ARHGAP31: variants seen among roughly 807,000 people sequenced by gnomAD.
ARHGAP31 encodes the protein rho GTPase-activating protein 31.
ARHGAP31 carries 34 observed loss-of-function variants against 113.9 expected under a neutral mutation model. That is an observed-to-expected ratio of 0.30 (90% CI 0.23 to 0.40). The LOEUF (loss-of-function observed/expected upper bound fraction) is 0.40. Ranked by LOEUF, ARHGAP31 falls within the 10% of genes least tolerant of loss-of-function variation. The pLI is 1.00. For synonymous variants in ARHGAP31, 650 were observed against 684.8 expected, an observed-to-expected ratio of 0.95 and a Z score of 0.79; for missense variants, 1,548 against 1,767.1, an observed-to-expected ratio of 0.88 and a Z score of 2.22.
chr3:119,364,873 A>C (rs1444794176), intron 1 of ARHGAP31, among the ~76,000 whole-genome samples: 1 of 152,188 alleles, frequency 6.6e-6, no homozygotes, highest in South Asian at 2.1e-4. Flanking sequence ...CGGGTGGATC[A>C]CCTGAAGTCA....
intron 1 of ARHGAP31, among the ~76,000 whole-genome samples, chr3:119,328,807 AC>A (rs1281460741): frequency 6.6e-6 from 1 of 151,992 alleles, no homozygotes; most frequent in African/African-American, 2.4e-5. Context: ...TGCACAGCTA[AC>A]TTTTTGTATT....
chr3:119,367,856 CAAAAAAAAGAAAA>C (rs1363192018), intron 2 of ARHGAP31, among the ~76,000 whole-genome samples: 5 of 111,370 alleles, frequency 4.5e-5, no homozygotes, highest in Admixed American at 3.1e-4. Context: ...GACTCCATCT[CAAAAAAAAGAAAA>C]AAAAAAAAAA....
At chr3:119,383,047 A>G (rs1208558062) in intron 5 of ARHGAP31, 37 bp from the exon 6 acceptor site, 3 of 1,613,260 alleles carry the variant, frequency 1.9e-6, no homozygotes, top group African/African-American at 2.7e-5. Context: ...GTTGTAAGGC[A>G]AACTCACTAA....
intron 1 of ARHGAP31, among the ~76,000 whole-genome samples, chr3:119,353,093 A>G (rs1416559793): frequency 6.6e-6 from 1 of 152,220 alleles, no homozygotes; most frequent in African/African-American, 2.4e-5. Flanking sequence ...ATCTCACATC[A>G]TATCAAATCA....
At chr3:119,394,709 C>A (rs1039040220) in intron 8 of ARHGAP31, among the ~76,000 whole-genome samples, 2 of 152,012 alleles carry the variant, frequency 1.3e-5, no homozygotes, top group African/African-American at 2.4e-5. Flanking sequence ...AATCCCAACA[C>A]TTTGGGAAGC....
chr3:119,411,125 T>G (rs2080712643), intron 11 of ARHGAP31, among the ~76,000 whole-genome samples: 1 of 152,160 alleles, frequency 6.6e-6, no homozygotes, highest in African/African-American at 2.4e-5. Context: ...AAGGCTGGGA[T>G]AGCTGGGCTG....
intron 1 of ARHGAP31, among the ~76,000 whole-genome samples, chr3:119,361,647 G>C (rs1167952529): frequency 6.6e-6 from 1 of 152,220 alleles, no homozygotes; most frequent in African/African-American, 2.4e-5. Context: ...CTCCCAAAGT[G>C]CTGGGATTAC....
At chr3:119,351,457 A>G (rs2080109911) in intron 1 of ARHGAP31, among the ~76,000 whole-genome samples, 1 of 152,202 alleles carries the variant, frequency 6.6e-6, no homozygotes, top group South Asian at 2.1e-4. Context: ...CCAGTTTGCC[A>G]CTAGCTGTTT....
chr3:119,392,164 G>A (rs1000651846), intron 7 of ARHGAP31, among the ~76,000 whole-genome samples: 1 of 152,166 alleles, frequency 6.6e-6, no homozygotes, highest in Non-Finnish European at 1.5e-5. Flanking sequence ...AAAACATCCT[G>A]GGTCCAGGTA....
intron 10 of ARHGAP31, among the ~76,000 whole-genome samples, chr3:119,402,884 G>A (rs375457425): frequency 6.6e-5 from 10 of 152,230 alleles, no homozygotes; most frequent in Non-Finnish European, 1.5e-4. Context: ...CAGACAACAT[G>A]GCTAGCAACC....
chr3:119,400,500 ATCT>A (rs1275341498), intron 9 of ARHGAP31, among the ~76,000 whole-genome samples: 1 of 152,148 alleles, frequency 6.6e-6, no homozygotes, highest in African/African-American at 2.4e-5. Context: ...ACTCAGTGAG[ATCT>A]TCTTAAGTTA....
At chr3:119,388,483 T>G (rs2080474324) in intron 6 of ARHGAP31, among the ~76,000 whole-genome samples, 1 of 152,018 alleles carries the variant, frequency 6.6e-6, no homozygotes, top group African/African-American at 2.4e-5. Flanking sequence ...AGCAGGCCAG[T>G]GCAGGATCTA....
chr3:119,416,651 C>A lies in ARHGAP31; in HGVS notation c.*387C>A, dbSNP rs2080782157. On this transcript the variant is annotated 3_prime_UTR_variant, in exon 12 of 12. Coordinates refer to ENST00000264245, the MANE Select transcript of ARHGAP31 (RefSeq NM_020754.4). ...AATGTTCTTTGAAAGAAAGAAAAAT[C>A]TCTTGCTGTGTCAAACCTCAAAATG... 2 of 299,030 alleles carry A rather than the reference C, an allele frequency of 6.7e-6. No homozygotes were observed. Among genetic ancestry groups the A allele is most frequent in the Non-Finnish European group, 6.4e-6 (1 of 155,670 alleles). 18.5% of individuals were successfully genotyped at this position (299,030 alleles called of 1,614,324 possible).
chr3:119,367,799 G>A (rs955899289), intron 2 of ARHGAP31, among the ~76,000 whole-genome samples: 10 of 150,948 alleles, frequency 6.6e-5, no homozygotes, highest in Admixed American at 2.0e-4. Flanking sequence ...GGAGGTTGCA[G>A]TGAGCCAAGA....
At chr3:119,321,842 G>A (rs1383264622) in intron 1 of ARHGAP31, among the ~76,000 whole-genome samples, 7 of 152,120 alleles carry the variant, frequency 4.6e-5, no homozygotes, top group Admixed American at 3.9e-4. Context: ...TAGTGGAGAC[G>A]GGGTTTCGCC....
chr3:119,326,252 A>T (rs560380507), intron 1 of ARHGAP31, among the ~76,000 whole-genome samples: 12 of 152,216 alleles, frequency 7.9e-5, no homozygotes, highest in Non-Finnish European at 1.5e-4. Context: ...GTGTAGGCAC[A>T]TTTGAAGACA....
rs1267141137 is a variant in ARHGAP31, at chr3:119,380,983, A to G, written c.428A>G (p.Tyr143Cys). ...ATCCAGGAGCTTCCTCCATCCCACTATAGGTAAGAATGGTTGGGAAAAGAA... is the reference window on the plus strand; with the variant it reads ...ATCCAGGAGCTTCCTCCATCCCACTGTAGGTAAGAATGGTTGGGAAAAGAA... ...NVIQELPPSHYRTLEYLIRHL... is the reference protein window; with the variant it reads ...NVIQELPPSHCRTLEYLIRHL... Residue 143 changes from tyrosine to cysteine, a missense_variant, in exon 4 of 12, where the codon TAT (tyrosine) becomes TGT (cysteine). Physicochemically the swap from Tyr to Cys is radical, Grantham distance 194. Transcript: ENST00000264245. 1.2e-6 allele frequency: 2 copies of G among 1,613,728 alleles called. No homozygotes were observed. The highest frequency in any genetic ancestry group is 1.1e-5 in the South Asian group (1 of 91,080).
intron 1 of ARHGAP31, among the ~76,000 whole-genome samples, chr3:119,363,390 C>CCT (rs1362636899): frequency 6.6e-6 from 1 of 152,204 alleles, no homozygotes; most frequent in Admixed American, 6.5e-5. Context: ...ACACCCACAG[C>CCT]ACCCCCCATC....
chr3:119,409,866 T>G (rs557703029), intron 11 of ARHGAP31, 90 bp downstream of exon 11: 1 of 1,319,934 alleles, frequency 7.6e-7, no homozygotes, highest in Admixed American at 3.3e-5. Flanking sequence ...GAAAAAAAAT[T>G]TTTTTTTGAA....
Sources: allele counts gnomAD v4.1 joint callset (sites outside exome capture counted in the v4.1 genomes callset), GRCh38; gene constraint gnomAD v4.1.1; transcripts MANE v1.5; gene names NCBI Gene and HGNC (gene_info 2026-07-23, HGNC 2026-07-21).